CADM2: variants seen among roughly 807,000 people sequenced by gnomAD.
The protein encoded by CADM2 is immunoglobulin superfamily member 4D.
Under a neutral mutation model 49.8 loss-of-function variants are expected in CADM2, and 12 were observed. The observed-to-expected ratio is 0.24, with a 90% CI of 0.15 to 0.39. The LOEUF (loss-of-function observed/expected upper bound fraction) is 0.39, where lower values mean the gene tolerates loss of function less well. Ranked by LOEUF, CADM2 falls within the 10% of genes least tolerant of loss-of-function variation. CADM2 has a pLI of 1.00. For synonymous variants in CADM2, 214 were observed against 175.4 expected, an observed-to-expected ratio of 1.22 and a Z score of -1.74; for missense variants, 378 against 492.3, an observed-to-expected ratio of 0.77 and a Z score of 2.20.
chr3:85,471,595 C>G (rs2038768139), intron 1 of CADM2, among the ~76,000 whole-genome samples: 1 of 151,964 alleles, frequency 6.6e-6, no homozygotes, highest in Middle Eastern at 3.2e-3. Flanking sequence ...TAAGACTTTT[C>G]ATCTTCTGGT....
At chr3:85,714,789 C>A (rs2067232367) in intron 1 of CADM2, among the ~76,000 whole-genome samples, 1 of 152,002 alleles carries the variant, frequency 6.6e-6, no homozygotes, top group African/African-American at 2.4e-5. Flanking sequence ...TTTTACTCCC[C>A]TCGTTAAGAT....
intron 2 of CADM2, among the ~76,000 whole-genome samples, chr3:85,753,597 C>T (rs936422055): frequency 6.6e-6 from 1 of 152,168 alleles, no homozygotes; most frequent in Non-Finnish European, 1.5e-5. Flanking sequence ...AGTCTACCTT[C>T]TCAAGTACAG....
intron 1 of CADM2, among the ~76,000 whole-genome samples, chr3:85,673,864 G>A (rs144884990): frequency 2.0e-4 from 30 of 152,310 alleles, no homozygotes; most frequent in African/African-American, 7.0e-4. Flanking sequence ...GAAATTCTCA[G>A]TATTATATTT....
At chr3:84,967,947 G>C (rs1248859) in intron 1 of CADM2, among the ~76,000 whole-genome samples, 109,634 of 151,870 alleles carry the variant, frequency 0.72, 40,660 homozygotes, top group African/African-American at 0.88. Flanking sequence ...CACAGAGAAA[G>C]GCCTGGCAAA....
At chr3:85,961,730 G>T in intron 8 of CADM2, 83 bp downstream of exon 8, 1 of 954,952 alleles carries the variant, frequency 1.0e-6, no homozygotes. Flanking sequence ...TTTAAGTGCA[G>T]TGAACAAAAT....
chr3:85,955,158 A>G (rs990986092), intron 7 of CADM2, among the ~76,000 whole-genome samples: 1 of 151,262 alleles, frequency 6.6e-6, no homozygotes, highest in Admixed American at 6.6e-5. Context: ...AGATAGAACA[A>G]GATGTTGTCT....
At chr3:85,872,789 C>CA in intron 3 of CADM2, among the ~76,000 whole-genome samples, 1 of 150,900 alleles carries the variant, frequency 6.6e-6, no homozygotes, top group Middle Eastern at 3.5e-3. Flanking sequence ...TTAAATTTTC[C>CA]AAAATTTTAT....
At chr3:85,937,494 A>C (rs145074255) in intron 7 of CADM2, among the ~76,000 whole-genome samples, 2,341 of 152,052 alleles carry the variant, frequency 0.015, 55 homozygotes, top group African/African-American at 0.053. Flanking sequence ...ATTTAAAATG[A>C]GTGAGAATTT....
At chr3:85,568,449 TTCTTTCTTTCTTTCTCTTTC>T (rs2062354002) in intron 1 of CADM2, among the ~76,000 whole-genome samples, 2 of 27,772 alleles carry the variant, frequency 7.2e-5, no homozygotes, top group African/African-American at 2.1e-4. Flanking sequence ...CTTTCTTTCT[TTCTTTCTTTCTTTCTCTTTC>T]TCTCTCTTTC....
intron 6 of CADM2, 24 bp downstream of exon 6, chr3:85,912,567 C>G (rs1252906502): frequency 4.4e-6 from 7 of 1,594,054 alleles, no homozygotes; most frequent in Non-Finnish European, 6.0e-6. Context: ...ACTTCCCCCT[C>G]CTTTATCTCA....
At chr3:86,007,819 A>G (rs1730977310) in intron 8 of CADM2, among the ~76,000 whole-genome samples, 1 of 152,136 alleles carries the variant, frequency 6.6e-6, no homozygotes, top group Non-Finnish European at 1.5e-5. Context: ...GTAAGTGTGG[A>G]AAAAAATAAT....
intron 1 of CADM2, among the ~76,000 whole-genome samples, chr3:85,522,968 C>T (rs1218088066): frequency 1.4e-5 from 2 of 145,690 alleles, no homozygotes. Context: ...AACAGGACCA[C>T]ATTATTTGTA....
chr3:85,809,095 T>C (rs2072644106), intron 3 of CADM2, among the ~76,000 whole-genome samples: 1 of 152,194 alleles, frequency 6.6e-6, no homozygotes, highest in African/African-American at 2.4e-5. Flanking sequence ...AGCTATTATA[T>C]ATCTGTACAA....
intron 1 of CADM2, among the ~76,000 whole-genome samples, chr3:85,225,850 T>C (rs1038978534): frequency 5.3e-5 from 8 of 152,222 alleles, no homozygotes; most frequent in African/African-American, 1.9e-4. Context: ...CTGCATCTAT[T>C]GAGTTAATCA....
intron 3 of CADM2, among the ~76,000 whole-genome samples, chr3:85,819,820 CA>C (rs1465621535): frequency 1.3e-5 from 2 of 152,026 alleles, no homozygotes; most frequent in Non-Finnish European, 2.9e-5. Flanking sequence ...ACAAAACAGG[CA>C]AAACTCTGCC....
chr3:85,453,030 A>G (rs1466584879), intron 1 of CADM2, among the ~76,000 whole-genome samples: 2 of 152,192 alleles, frequency 1.3e-5, no homozygotes, highest in African/African-American at 4.8e-5. Flanking sequence ...ATAACTTCTT[A>G]AAGTGTACTA....
At chr3:85,545,195 T>G (rs528210891) in intron 1 of CADM2, among the ~76,000 whole-genome samples, 8 of 152,304 alleles carry the variant, frequency 5.3e-5, no homozygotes, top group African/African-American at 1.9e-4. Context: ...CATGGCATCG[T>G]TGGTTCCTTA....
At chr3:85,440,388 G>A (rs1231360359) in intron 1 of CADM2, among the ~76,000 whole-genome samples, 1 of 152,108 alleles carries the variant, frequency 6.6e-6, no homozygotes, top group Non-Finnish European at 1.5e-5. Flanking sequence ...TTAGTAGGTT[G>A]AACTGGGCCT....
At chr3:85,719,025 G>T (rs1177337012) in intron 1 of CADM2, among the ~76,000 whole-genome samples, 1 of 151,516 alleles carries the variant, frequency 6.6e-6, no homozygotes, top group African/African-American at 2.4e-5. Context: ...CAATTCTCCT[G>T]TCTCAGCCAC....
Sources: gnomAD v4.1 joint callset for allele counts (sites outside exome capture counted in the v4.1 genomes callset) on GRCh38, gnomAD v4.1.1 for gene constraint, MANE v1.5 for transcripts, NCBI Gene and HGNC (gene_info 2026-07-23, HGNC 2026-07-21) for gene names.